Variants in GYPB observed in about 807,000 individuals in gnomAD.
GYPB encodes glycophorin-B.
Under a neutral mutation model 15.3 loss-of-function variants are expected in GYPB, and 13 were observed. That is an observed-to-expected ratio of 0.85 (90% CI 0.55 to 1.35). GYPB has a LOEUF of 1.35. Ranked by LOEUF, GYPB falls within the 40% of genes most tolerant of loss-of-function variation. The probability of loss-of-function intolerance (pLI) is 0.00; values close to 1 mark genes in which losing one functional copy is unlikely to be tolerated. For missense variants in GYPB, 131 were observed against 108.3 expected (o/e 1.21, Z -0.93); for synonymous variants, 38 against 36.9 (o/e 1.03, Z -0.11).
chr4:144,011,948 A>G (rs1372944892), intron 1 of GYPB, among the ~76,000 whole-genome samples: 1 of 152,084 alleles, frequency 6.6e-6, no homozygotes, highest in African/African-American at 2.4e-5. Context: ...TAGCTGTACT[A>G]TTCATGTTTT....
chr4:144,013,032 G>C (rs1325125949), intron 1 of GYPB, among the ~76,000 whole-genome samples: 2 of 151,566 alleles, frequency 1.3e-5, no homozygotes. Context: ...TGAAGGAAAA[G>C]ATTTGCAAAT....
chr4:144,014,292 A>T (rs1212326853), intron 1 of GYPB, among the ~76,000 whole-genome samples: 1 of 151,750 alleles, frequency 6.6e-6, no homozygotes, highest in Non-Finnish European at 1.5e-5. Context: ...TAGTACAGGA[A>T]TATTTATAGC....
chr4:143,996,752 A>G (rs1727332086), intron 4 of GYPB, among the ~76,000 whole-genome samples: 1 of 145,506 alleles, frequency 6.9e-6, no homozygotes, highest in Admixed American at 6.9e-5. Flanking sequence ...AGCCTGGGTG[A>G]CAGAGGGAAA....
At position 143,999,214 on chromosome 4, in the gene GYPB, A is replaced by G; in HGVS notation, c.175+197T>C. ...ATGAGCCACGGCCCCTGGCCCCCAA[A>G]ATGTTTTTAAAAATAAGAAATGCCT... On this transcript the variant is annotated intron_variant, in intron 3 of 4. Transcript: ENST00000502664. 5 of 478,314 alleles carry G rather than the reference A, an allele frequency of 1.0e-5. No homozygotes were observed. In the South Asian group the frequency reaches 1.3e-4, roughly 12 times the overall value. 29.6% of individuals were successfully genotyped at this position (478,314 alleles called of 1,614,324 possible). A position where few individuals can be genotyped will look rare whatever the true frequency, so the allele number is the denominator to read the frequency against.
chr4:144,000,210 G>C (rs1175828613), intron 2 of GYPB: 2 of 173,242 alleles, frequency 1.2e-5, no homozygotes, highest in African/African-American at 4.9e-5. Context: ...ATTGGGGCTT[G>C]CCTTCTCTTT....
chr4:143,997,964 G>GA lies in GYPB; in HGVS notation c.176-331dup, dbSNP rs201133835. The stretch of plus-strand genomic sequence containing the variant: ...AGTGGACGTTCTCCTCAGATATGGG[G>GA]AAAAAAACCCACAAATTCTCCCATA... On this transcript the variant is annotated intron_variant, in intron 3 of 4. Coordinates refer to ENST00000502664, the MANE Select transcript of GYPB (RefSeq NM_002100.6). Among the ~76,000 whole-genome samples the GA allele has an allele frequency of 3.1e-3, 461 of 150,878 alleles. 3 individuals carry two copies. The highest frequency in any genetic ancestry group is 5.2e-3 in the Non-Finnish European group (353 of 67,930).
chr4:144,011,257 G>C (rs1728206589), intron 1 of GYPB, among the ~76,000 whole-genome samples: 1 of 151,306 alleles, frequency 6.6e-6, no homozygotes, highest in African/African-American at 2.5e-5. Context: ...GTGTGCGCCT[G>C]TATTGTCAGC....
intron 1 of GYPB, among the ~76,000 whole-genome samples, chr4:144,006,600 G>A (rs1727925778): frequency 6.6e-6 from 1 of 152,004 alleles, no homozygotes; most frequent in Admixed American, 6.5e-5. Flanking sequence ...CAGTGGCTGA[G>A]CTCTCATCAA....
intron 1 of GYPB, among the ~76,000 whole-genome samples, chr4:144,017,603 A>G (rs1406729829): frequency 1.3e-5 from 2 of 150,906 alleles, no homozygotes; most frequent in African/African-American, 5.0e-5. Flanking sequence ...CTGCTTGTGT[A>G]GTTGTAGAAA....
At chr4:144,011,714 A>G (rs1728231196) in intron 1 of GYPB, among the ~76,000 whole-genome samples, 4 of 151,430 alleles carry the variant, frequency 2.6e-5, no homozygotes, top group Admixed American at 2.6e-4. Flanking sequence ...ATTGATTTAT[A>G]TGATTTTTTG....
chr4:143,998,541 C>G (rs1296684912), intron 3 of GYPB, among the ~76,000 whole-genome samples: 3 of 144,696 alleles, frequency 2.1e-5, no homozygotes, highest in Non-Finnish European at 4.5e-5. Flanking sequence ...GCCATGGACA[C>G]GGCCAAGTGT....
chr4:144,017,166 A>G (rs185535148), intron 1 of GYPB, among the ~76,000 whole-genome samples: 1,863 of 150,820 alleles, frequency 0.012, 137 homozygotes, highest in African/African-American at 0.044. Context: ...TCTGACATGT[A>G]ATGACTGAAT....
intron 1 of GYPB, among the ~76,000 whole-genome samples, chr4:144,004,487 T>A (rs1230399957): frequency 1.2e-4 from 18 of 151,868 alleles, no homozygotes; most frequent in Admixed American, 1.3e-4. Context: ...GTTTTCGTAT[T>A]TTCTAGTATT....
chr4:144,017,536 G>T lies in GYPB; in HGVS notation c.37+1715C>A, dbSNP rs1428724971. 8.0e-5 allele frequency among the ~76,000 whole-genome samples: 12 copies of T among 150,818 alleles called. 1 individual carries two copies. The highest frequency in any genetic ancestry group is 1.2e-4 in the Non-Finnish European group (8 of 67,990). On this transcript the variant is annotated intron_variant, in intron 1 of 4. Coordinates refer to ENST00000502664, the MANE Select transcript of GYPB (RefSeq NM_002100.6). ...ACTGGAGACCATTGTAGCTTTCAGGGTCATCTTGCCCCAGTGACCTCTTTA... is the reference window on the plus strand; with the variant it reads ...ACTGGAGACCATTGTAGCTTTCAGGTTCATCTTGCCCCAGTGACCTCTTTA...
chr4:144,005,101 G>T (rs1395388015), intron 1 of GYPB, among the ~76,000 whole-genome samples: 3 of 152,070 alleles, frequency 2.0e-5, no homozygotes, highest in Middle Eastern at 3.4e-3. Context: ...TAGATTAAAG[G>T]TCAGTTTAAG....
chr4:144,014,315 A>G, intron 1 of GYPB, among the ~76,000 whole-genome samples: 1 of 151,760 alleles, frequency 6.6e-6, no homozygotes, highest in Non-Finnish European at 1.5e-5. Context: ...CACTATTCAC[A>G]TTAGCCAAAA....
At chr4:143,999,156 G>T (rs1727480573) in intron 3 of GYPB, 2 of 338,262 alleles carry the variant, frequency 5.9e-6, no homozygotes, top group East Asian at 1.5e-4. Flanking sequence ...GATTAGCCAG[G>T]CTTGGCCTCC....
chr4:144,001,744 CTG>C (rs539778415), intron 1 of GYPB, among the ~76,000 whole-genome samples: 10 of 151,052 alleles, frequency 6.6e-5, no homozygotes, highest in Non-Finnish European at 1.5e-4. Flanking sequence ...ATTTTGGAAA[CTG>C]TCTATGCTAA....
chr4:144,017,356 GA>G (rs1229480224), intron 1 of GYPB, among the ~76,000 whole-genome samples: 11 of 142,956 alleles, frequency 7.7e-5, no homozygotes, highest in South Asian at 2.1e-4. Flanking sequence ...AAAAGAAAAA[GA>G]AAAAAAAAGA....
Sources: allele counts gnomAD v4.1 joint callset (sites outside exome capture counted in the v4.1 genomes callset), GRCh38; gene constraint gnomAD v4.1.1; transcripts MANE v1.5; gene names NCBI Gene and HGNC (gene_info 2026-07-23, HGNC 2026-07-21).